TBC1D31: variants seen among roughly 807,000 people sequenced by gnomAD.
TBC1D31 encodes WD repeat domain 67.
TBC1D31 carries 99 observed loss-of-function variants against 132.9 expected under a neutral mutation model. That is an observed-to-expected ratio of 0.74 (90% CI 0.63 to 0.88). The LOEUF (loss-of-function observed/expected upper bound fraction) is 0.88, where lower values mean the gene tolerates loss of function less well. Ranked by LOEUF, TBC1D31 falls within the 40% of genes least tolerant of loss-of-function variation. TBC1D31 has a pLI of 0.00. For synonymous variants in TBC1D31, 385 were observed against 419.4 expected (o/e 0.92, Z 1.00); for missense variants, 1,134 against 1,256.6 (o/e 0.90, Z 1.48).
chr8:123,129,697 T>C (rs1167279942), intron 15 of TBC1D31, among the ~76,000 whole-genome samples: 1 of 152,284 alleles, frequency 6.6e-6, no homozygotes. Context: ...TAGCTGGGTG[T>C]GGTGCCACAT....
At chr8:123,152,327 G>C (rs769925909), downstream of TBC1D31, among the ~76,000 whole-genome samples, 29 of 152,184 alleles carry the variant, frequency 1.9e-4, no homozygotes, top group Non-Finnish European at 3.4e-4. Flanking sequence ...GCAGCGTGGA[G>C]TGGCCTATAT....
chr8:123,102,585 A>G (rs931502088), intron 7 of TBC1D31: 3 of 227,844 alleles, frequency 1.3e-5, no homozygotes, highest in Non-Finnish European at 2.6e-5. Context: ...TTATTTGTGC[A>G]TTCTATACAT....
Position 123,099,314 on chromosome 8 carries a change from G to T in TBC1D31, c.832-1493G>T, listed in dbSNP as rs561859355. On this transcript the variant is annotated intron_variant, in intron 6 of 21. Transcript: ENST00000287380. ...TTTTGTATTTTTTAGTAGAGACGGG[G>T]TTTCACCGTGTTAGCCAGGATGGTC... 3.3e-5 allele frequency among the ~76,000 whole-genome samples: 5 copies of T among 152,154 alleles called. No individual in the cohort carries two copies. In the East Asian group the frequency reaches 9.6e-4, roughly 29 times the overall value.
rs557187987 is a variant in TBC1D31, at chr8:123,148,469, C to T, written c.2975-1567C>T. Among the ~76,000 whole-genome samples the T allele has an allele frequency of 2.4e-4, 37 of 151,968 alleles. 1 individual carries two copies. Among genetic ancestry groups the T allele is most frequent in the African/African-American group, 8.0e-4 (33 of 41,444 alleles). On this transcript the variant is annotated intron_variant, in intron 20 of 21. Transcript: ENST00000287380. ...GTGAGATCTCAGCTCTGGCTGGGCA[C>T]GGTGGCGCCTGTAATCCTAGCAATT... is the stretch of plus-strand genomic sequence containing the variant.
chr8:123,126,743 T>TTA (rs1409990414), intron 13 of TBC1D31, 56 bp downstream of exon 13: 1 of 1,479,698 alleles, frequency 6.8e-7, no homozygotes, highest in Admixed American at 2.2e-5. Context: ...TTCTCTCTAT[T>TTA]TTTTTTTTAA....
chr8:123,130,537 A>G (rs1478592075), intron 16 of TBC1D31, among the ~76,000 whole-genome samples: 1 of 152,134 alleles, frequency 6.6e-6, no homozygotes, highest in African/African-American at 2.4e-5. Context: ...TGCCAGGAAA[A>G]TTAGTCAAGT....
intron 8 of TBC1D31, among the ~76,000 whole-genome samples, chr8:123,107,583 T>C (rs574125856): frequency 6.6e-6 from 1 of 152,328 alleles, no homozygotes; most frequent in East Asian, 1.9e-4. Flanking sequence ...ATAAGCTGAA[T>C]GGTATCTCTG....
intron 7 of TBC1D31, among the ~76,000 whole-genome samples, chr8:123,104,462 C>T (rs1817734054): frequency 6.6e-6 from 1 of 151,920 alleles, no homozygotes. Flanking sequence ...TAAGTCAGAC[C>T]ACTATTAATC....
chr8:123,129,123 T>C lies in TBC1D31; in HGVS notation c.2175T>C (p.Ala725=). Residue 725 remains alanine (A), a synonymous_variant, in exon 15 of 22, where the codon GCT becomes GCC. Coordinates refer to ENST00000287380, the MANE Select transcript of TBC1D31 (RefSeq NM_145647.4). The part of the protein sequence containing the change: ...KVDQQRVEDE[A]WYQKQELLRK... The stretch of plus-strand genomic sequence containing the variant: ...ACCAGCAAAGAGTTGAAGATGAAGC[T>C]TGGTACCAGAAACAGGAGCTGCTTC... 6.2e-7 allele frequency: 1 copy of C among 1,610,504 alleles called. No individual in the cohort carries two copies. Among genetic ancestry groups the C allele is most frequent in the Non-Finnish European group, 8.5e-7 (1 of 1,177,510 alleles).
intron 1 of TBC1D31, chr8:123,074,928 A>G (rs1276568263): frequency 6.6e-6 from 1 of 152,242 alleles, no homozygotes; most frequent in African/African-American, 2.4e-5. Flanking sequence ...CTGTCAGGCA[A>G]TCTGTGAGAA....
rs1171686881 is a variant in TBC1D31 at position 123,126,377 on chromosome 8, A to C, written c.1705-131A>C. 3 of 1,162,290 alleles carry C rather than the reference A, an allele frequency of 2.6e-6. No homozygotes were observed. The African/African-American group carries it at 4.7e-5, about 18-fold the overall frequency. 72.0% of individuals were successfully genotyped at this position (1,162,290 alleles called of 1,614,324 possible). On this transcript the variant is annotated intron_variant, in intron 12 of 21. Coordinates refer to ENST00000287380, the MANE Select transcript of TBC1D31 (RefSeq NM_145647.4). ...AGTCTGTAAAGAAGGGTCCAAATTA[A>C]GGTAGTTATTTTCATAATTATGTAT...
intron 8 of TBC1D31, among the ~76,000 whole-genome samples, chr8:123,108,017 T>C (rs1236724573): frequency 6.6e-6 from 1 of 152,240 alleles, no homozygotes; most frequent in African/African-American, 2.4e-5. Flanking sequence ...CATGTTGCTC[T>C]CATTTGTTCT....
chr8:123,083,107 A>G (rs552266206), intron 3 of TBC1D31: 18 of 230,884 alleles, frequency 7.8e-5, no homozygotes, highest in Admixed American at 3.3e-4. Flanking sequence ...GATACAAAGT[A>G]TAACTAGCCA....
At chr8:123,163,914 T>C in the TBC1D31 span, among the ~76,000 whole-genome samples, 3 of 152,214 alleles carry the variant, frequency 2.0e-5, no homozygotes, top group African/African-American at 7.2e-5. Flanking sequence ...TCCAAAACTT[T>C]TTCATCACCC....
chr8:123,093,849 A>G, intron 5 of TBC1D31, 107 bp downstream of exon 5: 1 of 769,248 alleles, frequency 1.3e-6, no homozygotes, highest in Non-Finnish European at 1.8e-6. Flanking sequence ...TCATATTAGA[A>G]AAAGTTACCT....
chr8:123,145,412 C>G (rs554485329), intron 20 of TBC1D31, among the ~76,000 whole-genome samples: 30 of 152,252 alleles, frequency 2.0e-4, no homozygotes, highest in African/African-American at 7.2e-4. Flanking sequence ...GATTCTGTTG[C>G]TCCAAGGTAA....
At chr8:123,111,862 T>G (rs1818472056) in intron 10 of TBC1D31, among the ~76,000 whole-genome samples, 1 of 152,162 alleles carries the variant, frequency 6.6e-6, no homozygotes, top group Admixed American at 6.5e-5. Context: ...CATTTTTGTT[T>G]TTGTTTTTTG....
At position 123,150,125 on chromosome 8, in the gene TBC1D31, C is replaced by A; in HGVS notation, c.3064C>A (p.Gln1022Lys). The change falls in exon 21 of 22, where the codon CAG (glutamine) becomes AAG (lysine). Residue 1022 changes from glutamine to lysine, a missense_variant. Transcript: ENST00000287380. ...CTCTTCTGAAATGGATCCCTCAACA[C>A]AGAGTAAGTTGATAAGCAAGAAAAT... The part of the protein sequence containing the change: ...NDSSEMDPST[Q>K]ISLNRRAVEW... The A allele has an allele frequency of 6.2e-7, 1 of 1,608,544 alleles. No homozygotes were observed. The highest frequency in any genetic ancestry group is 8.5e-7 in the Non-Finnish European group (1 of 1,175,074).
At chr8:123,083,426 A>AT (rs1389065226) in intron 3 of TBC1D31, 1 of 151,492 alleles carries the variant, frequency 6.6e-6, no homozygotes, top group East Asian at 1.9e-4. Flanking sequence ...ATTTTTTTTT[A>AT]TTTTTTATTT....
Sources: gnomAD v4.1 joint callset for allele counts (sites outside exome capture counted in the v4.1 genomes callset) on GRCh38, gnomAD v4.1.1 for gene constraint, MANE v1.5 for transcripts, NCBI Gene and HGNC (gene_info 2026-07-23, HGNC 2026-07-21) for gene names.